Variants in BANP observed in about 807,000 individuals in gnomAD.
BANP encodes protein BANP.
Under a neutral mutation model 68.1 loss-of-function variants are expected in BANP, and 11 were observed. The ratio of observed to expected loss-of-function variants is 0.16; its 90% CI spans 0.10 to 0.27. The LOEUF is 0.27. Ranked by LOEUF, BANP falls within the 10% of genes least tolerant of loss-of-function variation. The pLI, the probability that BANP is intolerant of heterozygous loss-of-function variation, is 1.00. For synonymous variants in BANP, 329 were observed against 303.2 expected, an observed-to-expected ratio of 1.09 and a Z score of -0.88; for missense variants, 504 against 722.7, an observed-to-expected ratio of 0.70 and a Z score of 3.47.
chr16:88,021,713 C>T (rs1055482031), intron 7 of BANP, among the ~76,000 whole-genome samples: 1 of 152,216 alleles, frequency 6.6e-6, no homozygotes, highest in Non-Finnish European at 1.5e-5. Context: ...CCAGCTTGAA[C>T]AGCGGCAGGA....
chr16:87,998,479 G>T (rs1185247874), intron 4 of BANP, among the ~76,000 whole-genome samples: 1 of 152,320 alleles, frequency 6.6e-6, no homozygotes, highest in Admixed American at 6.5e-5. Context: ...TGTCTGTGCC[G>T]TGAAGGTGCT....
Position 88,076,662 on chromosome 16 carries a change from G to A in BANP, c.*1G>A. On this transcript the variant is annotated 3_prime_UTR_variant, in exon 14 of 14. Coordinates refer to ENST00000682872, the MANE Select transcript of BANP (RefSeq NM_001386991.1). ...GCACGGGGCCATCCAGATTCAGTGA[G>A]CGGTGCCCATGGCACCAGGAGCCCC... 1 of 1,607,218 alleles carries A rather than the reference G, an allele frequency of 6.2e-7. No homozygotes were observed. Among genetic ancestry groups the A allele is most frequent in the Non-Finnish European group, 8.5e-7 (1 of 1,179,404 alleles).
intron 11 of BANP, among the ~76,000 whole-genome samples, chr16:88,062,933 G>T (rs917497367): frequency 1.3e-5 from 2 of 152,200 alleles, no homozygotes; most frequent in Non-Finnish European, 2.9e-5. Flanking sequence ...ATCTTGGGGC[G>T]TGCAGCGCTC....
At position 88,036,422 on chromosome 16, in the gene BANP, C is replaced by T. The variant is rs189314365; in HGVS notation, c.1272+1028C>T. The stretch of plus-strand genomic sequence containing the variant: ...TGTGGGGGAGCAGAGGAGAGAGAAG[C>T]CCTGCCATCGGGGACTCACAGCGGG... On this transcript the variant is annotated intron_variant, in intron 10 of 13. Coordinates refer to ENST00000682872, the MANE Select transcript of BANP (RefSeq NM_001386991.1). The surrounding 1 kb of genome is among the most constrained non-coding windows in gnomAD (Gnocchi z 4.2). Among the ~76,000 whole-genome samples the T allele has an allele frequency of 6.6e-6, 1 of 152,166 alleles. No individual in the cohort carries two copies. Among genetic ancestry groups the T allele is most frequent in the African/African-American group, 2.4e-5 (1 of 41,422 alleles).
intron 4 of BANP, among the ~76,000 whole-genome samples, chr16:87,998,420 G>A (rs944755521): frequency 2.0e-5 from 3 of 150,004 alleles, no homozygotes; most frequent in Non-Finnish European, 4.5e-5. Context: ...GTGGGCTGCT[G>A]TCTGTGCCAT....
intron 4 of BANP, among the ~76,000 whole-genome samples, chr16:87,993,941 C>T (rs895569125): frequency 2.0e-5 from 3 of 152,068 alleles, no homozygotes; most frequent in East Asian, 3.9e-4. Context: ...AATGCTTCTC[C>T]GGGCTCATTG....
intron 11 of BANP, among the ~76,000 whole-genome samples, chr16:88,044,924 T>C (rs962264051): frequency 6.6e-6 from 1 of 152,074 alleles, no homozygotes; most frequent in African/African-American, 2.4e-5. Context: ...GGAGCTTGCA[T>C]TGAGCTGAGA....
rs926641910 is a variant in BANP, at chr16:88,057,378, G to A, written c.1312-7889G>A. ...GCTGCCTGCGAAAGGAAACCTGGGCGTTACTGCTGCACCAGGATTCCTGGC... is the reference window on the plus strand; with the variant it reads ...GCTGCCTGCGAAAGGAAACCTGGGCATTACTGCTGCACCAGGATTCCTGGC... On this transcript the variant is annotated intron_variant, in intron 11 of 13. Coordinates refer to ENST00000682872, the MANE Select transcript of BANP (RefSeq NM_001386991.1). This position sits in a 1 kb window ranked among gnomAD's most constrained non-coding sequence, Gnocchi z 4.6. 2.0e-5 allele frequency among the ~76,000 whole-genome samples: 3 copies of A among 152,156 alleles called. No homozygotes were observed. The highest frequency in any genetic ancestry group is 7.2e-5 in the African/African-American group (3 of 41,424).
At chr16:88,048,349 A>G (rs746008178) in intron 11 of BANP, among the ~76,000 whole-genome samples, 3 of 152,238 alleles carry the variant, frequency 2.0e-5, no homozygotes, top group Non-Finnish European at 4.4e-5. Flanking sequence ...TAAAGCGCAG[A>G]CACGATATGG....
Position 88,002,461 on chromosome 16 carries a change from T to G in BANP, c.363-1834T>G, listed in dbSNP as rs1370135074. Among the ~76,000 whole-genome samples, 1 of 152,106 alleles carries G rather than the reference T, an allele frequency of 6.6e-6. No individual in the cohort carries two copies. The highest frequency in any genetic ancestry group is 1.9e-4 in the East Asian group (1 of 5,192). On this transcript the variant is annotated intron_variant, in intron 4 of 13. Transcript: ENST00000682872. The surrounding 1 kb of genome is among the most constrained non-coding windows in gnomAD (Gnocchi z 4.6). ...CTAGGTGGATGGTGCATCCAGTGTG[T>G]TCAGAGCAGAGGTTGTTTTTTAGGT... is the stretch of plus-strand genomic sequence containing the variant.
chr16:87,953,193 A>T (rs1370680963), intron 1 of BANP, among the ~76,000 whole-genome samples: 3 of 81,220 alleles, frequency 3.7e-5, no homozygotes, highest in Non-Finnish European at 6.7e-5. Flanking sequence ...CTATGTTCTT[A>T]AAAAAAAAAG....
At chr16:87,951,688 C>G (rs942914843) in intron 1 of BANP, among the ~76,000 whole-genome samples, 173 bp downstream of exon 1, 2 of 149,034 alleles carry the variant, frequency 1.3e-5, no homozygotes, top group East Asian at 3.9e-4. Flanking sequence ...CCCCGCTCCC[C>G]GTCCCCGGCC....
rs536724340 is a variant in BANP at position 88,053,807 on chromosome 16, C to G, written c.1312-11460C>G. Among the ~76,000 whole-genome samples, 21 of 149,686 alleles carry G rather than the reference C, an allele frequency of 1.4e-4. No homozygotes were observed. In the South Asian group the frequency reaches 3.9e-3, roughly 27 times the overall value. On this transcript the variant is annotated intron_variant, in intron 11 of 13. Coordinates refer to ENST00000682872, the MANE Select transcript of BANP (RefSeq NM_001386991.1). The stretch of plus-strand genomic sequence containing the variant: ...ACAACCACTACCACCACCACCTCTA[C>G]TATCTCCATCATCACCAACACAACC...
At chr16:88,016,913 A>G (rs1449267646) in intron 6 of BANP, among the ~76,000 whole-genome samples, 3 of 152,258 alleles carry the variant, frequency 2.0e-5, no homozygotes, top group Non-Finnish European at 4.4e-5. Context: ...AGCTACAGCC[A>G]AGAGCCCAGC....
chr16:87,982,315 GC>G (rs1278083816), intron 3 of BANP, among the ~76,000 whole-genome samples: 1 of 152,198 alleles, frequency 6.6e-6, no homozygotes, highest in Non-Finnish European at 1.5e-5. Context: ...CGTGTGCGTG[GC>G]TCTAGGTTGT....
intron 4 of BANP, among the ~76,000 whole-genome samples, chr16:87,991,299 A>C (rs1434188010): frequency 6.6e-6 from 1 of 152,270 alleles, no homozygotes; most frequent in East Asian, 1.9e-4. Flanking sequence ...ACATACATAC[A>C]ACTTCGGGAA....
rs1273754060 is a variant in BANP, at chr16:87,957,972, C to T, written c.-69+6457C>T. On this transcript the variant is annotated intron_variant, in intron 1 of 13. Coordinates refer to ENST00000682872, the MANE Select transcript of BANP (RefSeq NM_001386991.1). The surrounding 1 kb of genome is among the most constrained non-coding windows in gnomAD (Gnocchi z 4.3). Reference sequence around the variant, plus strand: ...GCAGAGTGCTGCCGCTGCCAGTCTGCGTTTTCTGCCGAAATGCGTCCCTGA... The same window carrying T: ...GCAGAGTGCTGCCGCTGCCAGTCTGTGTTTTCTGCCGAAATGCGTCCCTGA... 6.6e-6 allele frequency among the ~76,000 whole-genome samples: 1 copy of T among 152,100 alleles called. No homozygotes were observed. The highest frequency in any genetic ancestry group is 6.5e-5 in the Admixed American group (1 of 15,278).
At chr16:87,963,520 G>A (rs2059553127) in intron 1 of BANP, 1 of 152,238 alleles carries the variant, frequency 6.6e-6, no homozygotes, top group South Asian at 2.1e-4. Flanking sequence ...GCCCCGCTCT[G>A]GGAGGTGACA....
In BANP at chr16:88,006,138, C is replaced by T. The variant is rs757264142; in HGVS notation, c.528C>T (p.Gly176=). The stretch of plus-strand genomic sequence containing the variant: ...ACACCATTGTGGTGAAGGTGCCGGG[C>T]CAAGAAGACAGCCACCACGAGGACG... ...RQNTIVVKVP[G]QEDSHHEDGE... is the part of the protein sequence containing the mutation. Residue 176 remains glycine, a synonymous_variant, in exon 6 of 14, where the codon GGC becomes GGT. Coordinates refer to ENST00000682872, the MANE Select transcript of BANP (RefSeq NM_001386991.1). 6 of 1,614,036 alleles carry T rather than the reference C, an allele frequency of 3.7e-6. No individual in the cohort carries two copies. Among genetic ancestry groups the T allele is most frequent in the Non-Finnish European group, 4.2e-6 (5 of 1,179,976 alleles).
Sources: allele counts gnomAD v4.1 joint callset (sites outside exome capture counted in the v4.1 genomes callset), GRCh38; gene constraint gnomAD v4.1.1; non-coding constraint Gnocchi (gnomAD v3.1); transcripts MANE v1.5; gene names NCBI Gene and HGNC (gene_info 2026-07-23, HGNC 2026-07-21).